The following LOXHD1 variants were observed in gnomAD, a reference collection of about 807,000 sequenced individuals.
The protein encoded by LOXHD1 is lipoxygenase homology PLAT domains 1, also known as lipoxygenase homology domain-containing protein 1.
LOXHD1 carries 205 observed loss-of-function variants against 248.2 expected under a neutral mutation model. The observed-to-expected ratio is 0.83, with a 90% confidence interval of 0.74 to 0.93. The LOEUF is 0.93. LOXHD1 is among the 40% of genes least tolerant of loss of function. LOXHD1 has a pLI of 0.00. For missense variants in LOXHD1, 2,930 were observed against 2,971.6 expected (o/e 0.99, Z 0.33); for synonymous variants, 1,113 against 1,162.8 (o/e 0.96, Z 0.87).
chr18:46,538,434 C>G (rs1318401394), intron 25 of LOXHD1, 97 bp from the exon 26 acceptor site: 9 of 1,227,512 alleles, frequency 7.3e-6, no homozygotes, highest in Non-Finnish European at 9.2e-6. Flanking sequence ...CCAGCCCAGA[C>G]CCTTGCACTG....
At chr18:46,518,018 C>T in intron 34 of LOXHD1, 111 bp downstream of exon 34, 6 of 1,325,712 alleles carry the variant, frequency 4.5e-6, no homozygotes, top group Non-Finnish European at 6.3e-6. Context: ...GGAAGGAAGG[C>T]CTCATGGTCT....
Position 46,509,799 on chromosome 18 carries a change from T to C in LOXHD1, c.5416A>G (p.Asn1806Asp). The change falls in exon 35 of 41, where the codon AAC (asparagine) becomes GAC (aspartate). Residue 1806 changes from asparagine to aspartate, a missense_variant. Physicochemically the swap from Asn to Asp is conservative, Grantham distance 23. Coordinates refer to ENST00000642948, the MANE Select transcript of LOXHD1 (RefSeq NM_001384474.1). ...AGGATCTCCATGATGAAGGTGTCGTTCTGCTCCCGCTCAAACCTGGGGGTG... is the reference window on the plus strand; with the variant it reads ...AGGATCTCCATGATGAAGGTGTCGTCCTGCTCCCGCTCAAACCTGGGGGTG... ...KKKARFEREQNDTFIMEILDI... is the reference protein window; with the variant it reads ...KKKARFEREQDDTFIMEILDI... The C allele has an allele frequency of 6.5e-7, 1 of 1,549,506 alleles. No homozygotes were observed. The highest frequency in any genetic ancestry group is 1.2e-5 in the South Asian group (1 of 83,998).
Position 46,513,681 on chromosome 18 carries a change from C to A in LOXHD1, c.5400-3866G>T, listed in dbSNP as rs933082921. Among the ~76,000 whole-genome samples, 21 of 152,212 alleles carry A rather than the reference C, an allele frequency of 1.4e-4. 1 individual carries two copies. The highest frequency in any genetic ancestry group is 1.3e-3 in the Admixed American group (20 of 15,280). ...TGCAGGGCACATGGTGGTGCTGACA[C>A]CTTGATTTCCACCCACAGATTCTGA... On this transcript the variant is annotated intron_variant, in intron 34 of 40. Transcript: ENST00000642948.
At chr18:46,499,808 C>A (rs1054151350) in intron 37 of LOXHD1, among the ~76,000 whole-genome samples, 1 of 152,054 alleles carries the variant, frequency 6.6e-6, no homozygotes, top group Non-Finnish European at 1.5e-5. Flanking sequence ...GGCTGTACAA[C>A]GACATTTTTA....
intron 12 of LOXHD1, 22 bp downstream of exon 12, chr18:46,591,911 T>G (rs1017771778): frequency 6.4e-7 from 1 of 1,551,412 alleles, no homozygotes; most frequent in Admixed American, 2.0e-5. Context: ...CCTCCCAGGA[T>G]GGAGAGCCTG....
intron 4 of LOXHD1, among the ~76,000 whole-genome samples, chr18:46,638,889 C>G (rs1290926847): frequency 6.6e-6 from 1 of 152,174 alleles, no homozygotes; most frequent in African/African-American, 2.4e-5. Flanking sequence ...AGCCACTTCT[C>G]ATCTCCTGGC....
intron 4 of LOXHD1, among the ~76,000 whole-genome samples, chr18:46,632,789 G>T (rs1433607206): frequency 6.6e-6 from 1 of 152,178 alleles, no homozygotes; most frequent in Non-Finnish European, 1.5e-5. Context: ...GACCCCTGAC[G>T]CCCACTCTTA....
intron 4 of LOXHD1, among the ~76,000 whole-genome samples, chr18:46,619,968 G>A (rs369517338): frequency 9.8e-5 from 15 of 152,298 alleles, no homozygotes; most frequent in East Asian, 9.6e-4. Flanking sequence ...AGCCAGAACC[G>A]GAGGTTTTGG....
At chr18:46,559,044 G>A (rs1445008389) in intron 20 of LOXHD1, 3 of 842,374 alleles carry the variant, frequency 3.6e-6, no homozygotes, top group Non-Finnish European at 5.2e-6. Context: ...ATCTTCCACT[G>A]TTGCCTTTAT....
chr18:46,614,117 G>A (rs529620406), intron 5 of LOXHD1, among the ~76,000 whole-genome samples: 2 of 152,294 alleles, frequency 1.3e-5, no homozygotes, highest in East Asian at 1.9e-4. Context: ...TTACACTGTT[G>A]GTGGGACTGC....
intron 7 of LOXHD1, 44 bp from the exon 8 acceptor site, chr18:46,601,511 C>T (rs1224744769): frequency 1.9e-6 from 3 of 1,551,332 alleles, no homozygotes; most frequent in Non-Finnish European, 2.6e-6. Flanking sequence ...ATGTGAGCTG[C>T]ATCATAATAT....
chr18:46,487,378 C>T (rs1219263661), intron 38 of LOXHD1, among the ~76,000 whole-genome samples: 3 of 152,222 alleles, frequency 2.0e-5, no homozygotes, highest in Admixed American at 2.0e-4. Flanking sequence ...TTCCATGTCA[C>T]ATTGTTCAAG....
chr18:46,613,534 T>C (rs186445454), intron 5 of LOXHD1, among the ~76,000 whole-genome samples: 8 of 152,272 alleles, frequency 5.3e-5, no homozygotes, highest in Non-Finnish European at 8.8e-5. Context: ...TCAACCGTTA[T>C]AGCTTTTATT....
intron 37 of LOXHD1, among the ~76,000 whole-genome samples, chr18:46,501,785 T>C (rs1414576153): frequency 2.0e-5 from 3 of 152,184 alleles, no homozygotes; most frequent in Non-Finnish European, 4.4e-5. Context: ...CTGTAATTGA[T>C]TTGTTAACAG....
intron 8 of LOXHD1, among the ~76,000 whole-genome samples, chr18:46,600,319 C>T (rs1361922607): frequency 6.6e-6 from 1 of 152,156 alleles, no homozygotes; most frequent in African/African-American, 2.4e-5. Flanking sequence ...ACAGTTATGG[C>T]CAGGAGCGAT....
intron 4 of LOXHD1, among the ~76,000 whole-genome samples, chr18:46,627,921 C>A (rs1229715330): frequency 6.6e-6 from 1 of 152,224 alleles, no homozygotes; most frequent in Non-Finnish European, 1.5e-5. Flanking sequence ...TGGCTTGACT[C>A]TCTCCCGTCT....
chr18:46,509,884 C>T (rs1214759059), intron 34 of LOXHD1, 69 bp from the exon 35 acceptor site: 1 of 1,106,206 alleles, frequency 9.0e-7, no homozygotes. Context: ...TGGGCCAGGC[C>T]AGAGGCCAGG....
At chr18:46,603,403 G>A (rs1326093788) in intron 7 of LOXHD1, among the ~76,000 whole-genome samples, 1 of 152,048 alleles carries the variant, frequency 6.6e-6, no homozygotes, top group African/African-American at 2.4e-5. Context: ...GAGCCAAATT[G>A]GGGAGAAATG....
intron 6 of LOXHD1, among the ~76,000 whole-genome samples, chr18:46,608,350 C>T (rs563194710): frequency 6.6e-6 from 1 of 152,236 alleles, no homozygotes; most frequent in East Asian, 1.9e-4. Flanking sequence ...AACAAAGAAA[C>T]ACATCTTGGC....
Sources: gnomAD v4.1 joint callset for allele counts (sites outside exome capture counted in the v4.1 genomes callset) on GRCh38, gnomAD v4.1.1 for gene constraint, MANE v1.5 for transcripts, NCBI Gene and HGNC (gene_info 2026-07-23, HGNC 2026-07-21) for gene names.